The following KCND3 variants were observed in gnomAD, a reference collection of about 807,000 sequenced individuals.
KCND3 encodes the protein A-type voltage-gated potassium channel KCND3.
A neutral mutation model predicts 51.1 loss-of-function variants in KCND3; 9 were observed. The observed-to-expected ratio is 0.18, with a 90% CI of 0.11 to 0.31. The LOEUF is 0.31. KCND3 is among the 10% of genes least tolerant of loss of function. The pLI, the probability that KCND3 is intolerant of heterozygous loss-of-function variation, is 1.00. For missense variants in KCND3, 526 were observed against 903.8 expected (o/e 0.58, Z 5.36); for synonymous variants, 349 against 368.0 (o/e 0.95, Z 0.59).
intron 2 of KCND3, among the ~76,000 whole-genome samples, chr1:111,879,921 C>G (rs1164053509): frequency 6.6e-6 from 1 of 152,260 alleles, no homozygotes; most frequent in Admixed American, 6.5e-5. Context: ...CACTTACTAC[C>G]TATGAGAGCT....
Position 111,786,955 on chromosome 1 carries a change from T to G in KCND3, c.1258A>C (p.Arg420=). The change falls in exon 3 of 8, where the codon AGG becomes CGG. Residue 420 remains arginine, a synonymous_variant. Coordinates refer to ENST00000302127, the MANE Select transcript of KCND3 (RefSeq NM_001378969.1). ...YHQNQRADKR[R]AQKKARLARI... ...CGTCTGAGGCTTACCTTTTGTGCCCTGCGTTTATCAGCTCTCTGATTCTGG... is the reference window on the plus strand; with the variant it reads ...CGTCTGAGGCTTACCTTTTGTGCCCGGCGTTTATCAGCTCTCTGATTCTGG... 6.2e-7 allele frequency: 1 copy of G among 1,614,154 alleles called. No individual in the cohort carries two copies. Among genetic ancestry groups the G allele is most frequent in the Non-Finnish European group, 8.5e-7 (1 of 1,180,032 alleles).
At chr1:111,965,438 CCACACACACACACACACA>C (rs56156826) in intron 2 of KCND3, among the ~76,000 whole-genome samples, 25 of 72,420 alleles carry the variant, frequency 3.5e-4, no homozygotes, top group African/African-American at 1.1e-3. Context: ...GCCAGCAAAA[CCACACACACACACACACA>C]CACACACACA....
intron 2 of KCND3, among the ~76,000 whole-genome samples, chr1:111,963,382 T>G (rs1450719069): frequency 6.6e-6 from 1 of 152,242 alleles, no homozygotes; most frequent in African/African-American, 2.4e-5. Flanking sequence ...CCAGAATGCC[T>G]CAGGGTGAAA....
Position 111,965,489 on chromosome 1 carries a change from C to CACACACACACAT in KCND3, c.1106+16131_1106+16132insATGTGTGTGTGT, listed in dbSNP as rs1553184421. Among the ~76,000 whole-genome samples the CACACACACACAT allele has an allele frequency of 2.7e-5, 4 of 150,056 alleles. No individual in the cohort carries two copies. In the East Asian group the frequency reaches 5.8e-4, roughly 22 times the overall value. On this transcript the variant is annotated intron_variant, in intron 2 of 7. Transcript: ENST00000302127. ...ACACACACACACACACACACACACA[C>CACACACACACAT]GCCAGGAGCATGGTGTCAGGTTCTG...
chr1:111,822,248 A>G (rs1666385417), intron 2 of KCND3, among the ~76,000 whole-genome samples: 1 of 152,130 alleles, frequency 6.6e-6, no homozygotes, highest in African/African-American at 2.4e-5. Flanking sequence ...TAAAATGTAT[A>G]TTTTATCTAT....
chr1:111,895,349 T>A (rs182070085), intron 2 of KCND3, among the ~76,000 whole-genome samples: 1 of 152,194 alleles, frequency 6.6e-6, no homozygotes, highest in East Asian at 1.9e-4. Flanking sequence ...TCATGCATTT[T>A]ACATGGCCTT....
chr1:111,793,574 T>G (rs1346596963), intron 2 of KCND3, among the ~76,000 whole-genome samples: 1 of 152,358 alleles, frequency 6.6e-6, no homozygotes, highest in East Asian at 1.9e-4. Context: ...ATGAGTAAAT[T>G]AACTCAATGT....
At chr1:111,909,898 G>C (rs1482823380) in intron 2 of KCND3, 2 of 152,214 alleles carry the variant, frequency 1.3e-5, no homozygotes, top group Non-Finnish European at 2.9e-5. Flanking sequence ...CTCATGGTAA[G>C]AACTTCAGAG....
intron 2 of KCND3, among the ~76,000 whole-genome samples, chr1:111,911,740 G>T (rs1411876721): frequency 6.6e-6 from 1 of 152,182 alleles, no homozygotes; most frequent in East Asian, 1.9e-4. Flanking sequence ...ATGATAAAAA[G>T]AACTGGATTT....
chr1:111,795,755 T>C (rs567206676), intron 2 of KCND3, among the ~76,000 whole-genome samples: 2 of 152,370 alleles, frequency 1.3e-5, no homozygotes, highest in Non-Finnish European at 2.9e-5. Context: ...CTTTGAGGAA[T>C]TGCCACACTG....
intron 2 of KCND3, among the ~76,000 whole-genome samples, chr1:111,935,228 A>G (rs74109732): frequency 0.026 from 4,016 of 152,312 alleles, 182 homozygotes; most frequent in African/African-American, 0.092. Context: ...ACCTTATAAA[A>G]AAGTCTTTTG....
At chr1:111,905,676 T>C (rs540279590) in intron 2 of KCND3, among the ~76,000 whole-genome samples, 48 of 152,282 alleles carry the variant, frequency 3.2e-4, no homozygotes, top group African/African-American at 1.1e-3. Context: ...GAGTCGCGTA[T>C]AAAACCATCA....
Position 111,985,391 on chromosome 1 carries a change from C to A in KCND3, c.-72-2593G>T, listed in dbSNP as rs557344096. ...AGTAGGCGGCGCCATTAAACCCAGG[C>A]AGTCTCAATGTGGAGTTCAAGAGTA... On this transcript the variant is annotated intron_variant, in intron 1 of 7. Transcript: ENST00000302127. 2.6e-5 allele frequency among the ~76,000 whole-genome samples: 4 copies of A among 152,308 alleles called. No homozygotes were observed. The South Asian group carries it at 8.3e-4, about 32-fold the overall frequency.
At chr1:111,892,334 C>A (rs1030619602) in intron 2 of KCND3, among the ~76,000 whole-genome samples, 7 of 152,200 alleles carry the variant, frequency 4.6e-5, no homozygotes, top group African/African-American at 1.7e-4. Context: ...CATGTTGTAT[C>A]ATTTATTGGG....
At chr1:111,783,058 T>C (rs1664452173) in intron 3 of KCND3, among the ~76,000 whole-genome samples, 1 of 152,180 alleles carries the variant, frequency 6.6e-6, no homozygotes, top group African/African-American at 2.4e-5. Flanking sequence ...CTATGTGAGT[T>C]GGCTGGAAGG....
At chr1:111,813,461 T>G (rs1384106660) in intron 2 of KCND3, among the ~76,000 whole-genome samples, 1 of 152,174 alleles carries the variant, frequency 6.6e-6, no homozygotes. Flanking sequence ...GGTCAGAGCC[T>G]CCTGACCCTC....
At chr1:111,863,945 TTGA>T (rs1271278653) in intron 2 of KCND3, among the ~76,000 whole-genome samples, 3 of 151,964 alleles carry the variant, frequency 2.0e-5, no homozygotes, top group African/African-American at 4.8e-5. Flanking sequence ...GAGGCTAGAC[TTGA>T]TGATGATTGA....
chr1:111,946,442 T>C (rs1307014281), intron 2 of KCND3, among the ~76,000 whole-genome samples: 1 of 152,160 alleles, frequency 6.6e-6, no homozygotes, highest in Non-Finnish European at 1.5e-5. Context: ...AGTTGTTGAG[T>C]AGACAAGATG....
intron 2 of KCND3, among the ~76,000 whole-genome samples, chr1:111,864,868 GGGGAA>G (rs1157832470): frequency 6.6e-6 from 1 of 152,176 alleles, no homozygotes; most frequent in African/African-American, 2.4e-5. Context: ...TTAGGGTTGG[GGGGAA>G]GGGAAGGGAG....
Sources: gnomAD v4.1 joint callset for allele counts (sites outside exome capture counted in the v4.1 genomes callset) on GRCh38, gnomAD v4.1.1 for gene constraint, MANE v1.5 for transcripts, NCBI Gene and HGNC (gene_info 2026-07-23, HGNC 2026-07-21) for gene names.